RFX3: variants seen among roughly 807,000 people sequenced by gnomAD.
RFX3 encodes transcription factor RFX3.
RFX3 carries 14 observed loss-of-function variants against 98.6 expected under a neutral mutation model. The observed-to-expected ratio is 0.14, with a 90% CI of 0.09 to 0.22. RFX3 has a LOEUF of 0.22. RFX3 is among the 10% of genes least tolerant of loss of function. The pLI, the probability that RFX3 is intolerant of heterozygous loss-of-function variation, is 1.00. For synonymous variants in RFX3, 383 were observed against 328.4 expected (o/e 1.17, Z -1.80); for missense variants, 639 against 926.9 (o/e 0.69, Z 4.03).
At chr9:3,380,450 C>G (rs1735445130) in intron 2 of RFX3, among the ~76,000 whole-genome samples, 1 of 152,100 alleles carries the variant, frequency 6.6e-6, no homozygotes, top group Non-Finnish European at 1.5e-5. Flanking sequence ...TTCTTCATAT[C>G]ACAGCACCAA....
intron 1 of RFX3, among the ~76,000 whole-genome samples, chr9:3,508,436 C>G (rs1429104667): frequency 2.6e-5 from 4 of 151,816 alleles, no homozygotes; most frequent in Admixed American, 2.6e-4. Flanking sequence ...GATCTCTCCC[C>G]CTAAAAACAT....
intron 1 of RFX3, among the ~76,000 whole-genome samples, chr9:3,463,968 A>T (rs775167956): frequency 2.6e-5 from 4 of 152,146 alleles, no homozygotes; most frequent in Admixed American, 2.0e-4. Context: ...AAATGAAAAT[A>T]AAAAATAGGG....
chr9:3,272,962 T>A (rs187682788), intron 9 of RFX3, among the ~76,000 whole-genome samples: 1 of 152,194 alleles, frequency 6.6e-6, no homozygotes, highest in East Asian at 1.9e-4. Flanking sequence ...AATTTCAGTG[T>A]ATCTTAAATT....
chr9:3,391,135 A>C (rs1344891409), intron 2 of RFX3, among the ~76,000 whole-genome samples: 1 of 152,206 alleles, frequency 6.6e-6, no homozygotes, highest in African/African-American at 2.4e-5. Flanking sequence ...CAAAAGCTGG[A>C]AACTTTTAAA....
At chr9:3,390,040 C>T (rs542918740) in intron 2 of RFX3, among the ~76,000 whole-genome samples, 11 of 152,222 alleles carry the variant, frequency 7.2e-5, no homozygotes, top group South Asian at 2.1e-4. Context: ...ACTTACTACA[C>T]GGTGAAATTA....
At chr9:3,313,555 C>T (rs952759761) in intron 4 of RFX3, among the ~76,000 whole-genome samples, 5 of 152,102 alleles carry the variant, frequency 3.3e-5, no homozygotes, top group African/African-American at 7.2e-5. Context: ...TTCAGACGAT[C>T]GGCAATAACA....
At chr9:3,413,396 G>C (rs1225224408) in intron 1 of RFX3, among the ~76,000 whole-genome samples, 1 of 151,924 alleles carries the variant, frequency 6.6e-6, no homozygotes, top group Admixed American at 6.6e-5. Context: ...ATTTTCATAT[G>C]GGAGTTTAAT....
At chr9:3,463,641 C>T (rs1847918216) in intron 1 of RFX3, among the ~76,000 whole-genome samples, 3 of 151,836 alleles carry the variant, frequency 2.0e-5, no homozygotes, top group Admixed American at 2.0e-4. Flanking sequence ...AATATATATA[C>T]AGAACTCAAT....
At chr9:3,437,646 T>C (rs978878979) in intron 1 of RFX3, among the ~76,000 whole-genome samples, 7 of 152,038 alleles carry the variant, frequency 4.6e-5, no homozygotes, top group African/African-American at 7.2e-5. Flanking sequence ...AGTTCATACA[T>C]AGACTTCGTT....
intron 2 of RFX3, among the ~76,000 whole-genome samples, chr9:3,393,434 C>G (rs1274307002): frequency 6.6e-6 from 1 of 152,170 alleles, no homozygotes; most frequent in African/African-American, 2.4e-5. Flanking sequence ...GAGATAGGAA[C>G]ACTATTTCCA....
intron 4 of RFX3, among the ~76,000 whole-genome samples, chr9:3,320,693 T>C (rs909417145): frequency 3.5e-5 from 5 of 143,286 alleles, no homozygotes; most frequent in Non-Finnish European, 7.4e-5. Context: ...AATGTGTACA[T>C]ATGTGTGTGT....
In RFX3 at chr9:3,403,809, C is replaced by T. The variant is rs182359779; in HGVS notation, c.-8-8213G>A. On this transcript the variant is annotated intron_variant, in intron 1 of 16. Coordinates refer to ENST00000617270, the MANE Select transcript of RFX3 (RefSeq NM_001282116.2). ...ATTATTTACAGAGCCACAAAAGAAACGAGCAGGTAGTACTGCACCAAACAG... is the reference window on the plus strand; with the variant it reads ...ATTATTTACAGAGCCACAAAAGAAATGAGCAGGTAGTACTGCACCAAACAG... 5.9e-5 allele frequency among the ~76,000 whole-genome samples: 9 copies of T among 152,242 alleles called. No homozygotes were observed. The East Asian group carries it at 1.7e-3, about 29-fold the overall frequency.
At chr9:3,433,370 A>T (rs1047945754) in intron 1 of RFX3, among the ~76,000 whole-genome samples, 2 of 152,168 alleles carry the variant, frequency 1.3e-5, no homozygotes, top group African/African-American at 4.8e-5. Flanking sequence ...ATCTACTCCC[A>T]TTGAATGAAT....
At chr9:3,277,604 T>C in intron 7 of RFX3, 143 bp from the exon 8 acceptor site, 2 of 655,872 alleles carry the variant, frequency 3.0e-6, no homozygotes, top group Non-Finnish European at 4.8e-6. Context: ...CTTGATAGTC[T>C]CATAAAGTTA....
intron 1 of RFX3, among the ~76,000 whole-genome samples, chr9:3,493,417 G>A (rs1294071391): frequency 6.6e-6 from 1 of 151,950 alleles, no homozygotes; most frequent in Non-Finnish European, 1.5e-5. Context: ...AGGCGCGGTG[G>A]CTCACACCTG....
At chr9:3,362,187 T>C (rs1269446272) in intron 2 of RFX3, among the ~76,000 whole-genome samples, 1 of 152,212 alleles carries the variant, frequency 6.6e-6, no homozygotes, top group Non-Finnish European at 1.5e-5. Context: ...ATCTTTAACA[T>C]TAATTTACAA....
intron 1 of RFX3, among the ~76,000 whole-genome samples, chr9:3,414,896 A>T (rs1056287371): frequency 1.0e-4 from 14 of 137,678 alleles, no homozygotes; most frequent in Admixed American, 2.3e-4. Context: ...AAGTATATAT[A>T]TGAGTATATA....
intron 6 of RFX3, among the ~76,000 whole-genome samples, chr9:3,289,452 A>G (rs913034499): frequency 6.6e-6 from 1 of 152,134 alleles, no homozygotes; most frequent in Non-Finnish European, 1.5e-5. Context: ...AATCCACTGC[A>G]GAATGGTGCA....
At chr9:3,271,479 T>TCCTTC (rs375226862) in intron 9 of RFX3, among the ~76,000 whole-genome samples, 1 of 147,516 alleles carries the variant, frequency 6.8e-6, no homozygotes, top group African/African-American at 2.5e-5. Flanking sequence ...TTTCTTTCCT[T>TCCTTC]CCTTCCCTTC....
Sources: gnomAD v4.1 joint callset for allele counts (sites outside exome capture counted in the v4.1 genomes callset) on GRCh38, gnomAD v4.1.1 for gene constraint, MANE v1.5 for transcripts, NCBI Gene and HGNC (gene_info 2026-07-23, HGNC 2026-07-21) for gene names.